Variants in SPNS3 observed in about 807,000 individuals in gnomAD.
SPNS3 encodes the protein protein spinster homolog 3.
SPNS3 carries 51 observed loss-of-function variants against 54.4 expected under a neutral mutation model. The ratio of observed to expected loss-of-function variants is 0.94; its 90% confidence interval spans 0.75 to 1.18. The LOEUF (loss-of-function observed/expected upper bound fraction) is 1.18, where lower values mean the gene tolerates loss of function less well. Ranked by LOEUF, SPNS3 falls within the 50% of genes most tolerant of loss-of-function variation. SPNS3 has a pLI of 0.00. For synonymous variants in SPNS3, 309 were observed against 294.7 expected, an observed-to-expected ratio of 1.05 and a Z score of -0.50; for missense variants, 669 against 677.4, an observed-to-expected ratio of 0.99 and a Z score of 0.14.
At chr17:4,444,391 AT>A (rs568469565) in intron 2 of SPNS3, among the ~76,000 whole-genome samples, 652 of 142,964 alleles carry the variant, frequency 4.6e-3, no homozygotes, top group Non-Finnish European at 5.9e-3. Context: ...ATTTTTTTGT[AT>A]TTTTTTTTTT....
intron 8 of SPNS3, among the ~76,000 whole-genome samples, chr17:4,460,127 A>G (rs539989206): frequency 2.6e-5 from 4 of 152,176 alleles, no homozygotes; most frequent in Non-Finnish European, 5.9e-5. Context: ...TTTGAATAAC[A>G]ACAAGGCGGC....
chr17:4,464,160 C>T (rs1262861842), intron 8 of SPNS3, among the ~76,000 whole-genome samples: 3 of 152,338 alleles, frequency 2.0e-5, no homozygotes, highest in Middle Eastern at 3.4e-3. Flanking sequence ...CCTGGGGGAG[C>T]CCATGCCCTG....
rs139407503 is a variant in SPNS3 at position 4,487,886 on chromosome 17, G to A, written c.1531G>A (p.Glu511Lys). 2.5e-5 allele frequency: 40 copies of A among 1,613,800 alleles called. No homozygotes were observed. The African/African-American group carries it at 5.1e-4, about 20-fold the overall frequency. Reference sequence around the variant, plus strand: ...TTCGGGCGCTGGCGCCTCTACAGAGGAGCCCTGAGGTCCCTGCCTACACTC... The same window carrying A: ...TTCGGGCGCTGGCGCCTCTACAGAGAAGCCCTGAGGTCCCTGCCTACACTC... ...LLSGAGASTE[E>K]P Residue 511 changes from glutamate to lysine, a missense_variant, in exon 12 of 12, where the codon GAG becomes AAG. Physicochemically the swap from Glu to Lys is moderately conservative, Grantham distance 56. Transcript: ENST00000355530.
intron 8 of SPNS3, among the ~76,000 whole-genome samples, chr17:4,470,889 T>C (rs1971836657): frequency 6.6e-6 from 1 of 152,156 alleles, no homozygotes; most frequent in South Asian, 2.1e-4. Flanking sequence ...TATTAATATC[T>C]TTACTTTTCC....
chr17:4,469,140 A>C (rs1395921433), intron 8 of SPNS3, among the ~76,000 whole-genome samples: 1 of 151,268 alleles, frequency 6.6e-6, no homozygotes, highest in Non-Finnish European at 1.5e-5. Context: ...GCTGGAGTGC[A>C]CTGGTGCGAT....
At chr17:4,448,426 CT>C in intron 6 of SPNS3, 123 bp downstream of exon 6, 1 of 980,520 alleles carries the variant, frequency 1.0e-6, no homozygotes, top group Non-Finnish European at 1.4e-6. Flanking sequence ...CACAGCCCTC[CT>C]CTTCCTCTGA....
Position 4,439,716 on chromosome 17 carries a change from TCAGACTG to T in SPNS3, c.259_265del (p.Gln87SerfsTer26). 2 of 1,612,502 alleles carry T rather than the reference TCAGACTG, an allele frequency of 1.2e-6. No homozygotes were observed. The highest frequency in any genetic ancestry group is 2.2e-5 in the South Asian group (2 of 90,596). On this transcript the variant is annotated frameshift_variant and splice_region_variant, in exon 2 of 12. Coordinates refer to ENST00000355530, the MANE Select transcript of SPNS3 (RefSeq NM_182538.5). LOFTEE classifies it high-confidence loss of function. ...TCAGTGACAACCATGCTGGTTTGCTTCAGACTGGTAAGGAGGAGCCCTGGCTCTGGAG... is the reference window on the plus strand; with the variant it reads ...TCAGTGACAACCATGCTGGTTTGCTTGTAAGGAGGAGCCCTGGCTCTGGAG...
intron 8 of SPNS3, among the ~76,000 whole-genome samples, chr17:4,474,514 C>T (rs552636456): frequency 1.3e-5 from 2 of 152,274 alleles, no homozygotes; most frequent in African/African-American, 2.4e-5. Flanking sequence ...GAGTCAGTTA[C>T]CGCCCAGTTG....
At chr17:4,438,340 TG>T (rs1398797711) in intron 1 of SPNS3, among the ~76,000 whole-genome samples, 1 of 152,234 alleles carries the variant, frequency 6.6e-6, no homozygotes, top group Non-Finnish European at 1.5e-5. Context: ...ATCTGTAGAA[TG>T]GGGGCAATGA....
At chr17:4,440,720 C>G (rs1970827683) in intron 2 of SPNS3, among the ~76,000 whole-genome samples, 1 of 152,138 alleles carries the variant, frequency 6.6e-6, no homozygotes, top group South Asian at 2.1e-4. Context: ...GGGTATCAAA[C>G]AGAGGCCCCT....
intron 1 of SPNS3, among the ~76,000 whole-genome samples, chr17:4,434,958 A>G (rs969522193): frequency 6.6e-6 from 1 of 151,086 alleles, no homozygotes; most frequent in East Asian, 2.0e-4. Flanking sequence ...GCATACCACC[A>G]TGCCAGGCTA....
chr17:4,439,910 G>A (rs1970806274), intron 2 of SPNS3, among the ~76,000 whole-genome samples, 187 bp downstream of exon 2: 1 of 152,186 alleles, frequency 6.6e-6, no homozygotes, highest in Non-Finnish European at 1.5e-5. Context: ...AACAGCCATG[G>A]TAGTTTGAGT....
chr17:4,449,528 A>G, intron 7 of SPNS3, 141 bp downstream of exon 7: 4 of 1,062,726 alleles, frequency 3.8e-6, no homozygotes, highest in South Asian at 1.8e-5. Context: ...CTCAGGACCC[A>G]GATGGCAGCA....
rs770770360 is a variant in SPNS3, at chr17:4,445,169, G to A, written c.402+1G>A. 6.2e-7 allele frequency: 1 copy of A among 1,611,812 alleles called. No individual in the cohort carries two copies. Among genetic ancestry groups the A allele is most frequent in the East Asian group, 2.2e-5 (1 of 44,842 alleles). ...CTCTAGCTCCTTCATCTCCCCCCGG[G>A]TACGTGTCCATGCCCCTGTCCAGGC... is the stretch of plus-strand genomic sequence containing the variant. On this transcript the variant is annotated splice_donor_variant, in intron 3 of 11. Coordinates refer to ENST00000355530, the MANE Select transcript of SPNS3 (RefSeq NM_182538.5). LOFTEE classifies it high-confidence loss of function.
At chr17:4,467,732 C>T (rs887086833) in intron 8 of SPNS3, among the ~76,000 whole-genome samples, 14 of 151,866 alleles carry the variant, frequency 9.2e-5, no homozygotes, top group African/African-American at 3.4e-4. Flanking sequence ...GCGGTGTGAT[C>T]TCGGCTCACT....
At chr17:4,456,749 C>G (rs953361506) in intron 8 of SPNS3, among the ~76,000 whole-genome samples, 2 of 151,824 alleles carry the variant, frequency 1.3e-5, no homozygotes, top group East Asian at 3.9e-4. Context: ...GGGTCTCACT[C>G]TGTCGCCCAG....
chr17:4,443,773 C>T (rs1338042559), intron 2 of SPNS3, among the ~76,000 whole-genome samples: 1 of 152,214 alleles, frequency 6.6e-6, no homozygotes, highest in African/African-American at 2.4e-5. Context: ...GAACTTATTT[C>T]CAAAACATAT....
At chr17:4,480,019 T>G (rs1972111138) in intron 9 of SPNS3, among the ~76,000 whole-genome samples, 1 of 152,246 alleles carries the variant, frequency 6.6e-6, no homozygotes, top group African/African-American at 2.4e-5. Flanking sequence ...GTTATGGGCA[T>G]GTATAGTCGT....
chr17:4,461,112 A>G (rs1290301229), intron 8 of SPNS3, among the ~76,000 whole-genome samples: 25 of 152,102 alleles, frequency 1.6e-4, no homozygotes, highest in Non-Finnish European at 7.4e-5. Context: ...CATTTATTCT[A>G]GGTTAATCTA....
Sources: gnomAD v4.1 joint callset for allele counts (sites outside exome capture counted in the v4.1 genomes callset) on GRCh38, gnomAD v4.1.1 for gene constraint, MANE v1.5 for transcripts, NCBI Gene and HGNC (gene_info 2026-07-23, HGNC 2026-07-21) for gene names.